Variants in TRAK2 observed in about 807,000 individuals in gnomAD.
TRAK2 encodes trafficking kinesin protein 2.
Under a neutral mutation model 104.6 loss-of-function variants are expected in TRAK2, and 81 were observed. That is an observed-to-expected ratio of 0.77 (90% CI 0.65 to 0.93). The LOEUF (loss-of-function observed/expected upper bound fraction) is 0.93, where lower values mean the gene tolerates loss of function less well. Among genes scored for constraint, TRAK2 ranks in the 40% least tolerant of loss-of-function variants. The pLI is 0.00. For missense variants in TRAK2, 1,002 were observed against 1,089.0 expected, an observed-to-expected ratio of 0.92 and a Z score of 1.12; for synonymous variants, 406 against 394.4, an observed-to-expected ratio of 1.03 and a Z score of -0.35.
chr2:201,424,374 TC>T (rs1951768349), intron 1 of TRAK2, among the ~76,000 whole-genome samples: 1 of 152,206 alleles, frequency 6.6e-6, no homozygotes, highest in Admixed American at 6.5e-5. Context: ...AGTTTAGGAA[TC>T]AAGTGATACA....
intron 1 of TRAK2, among the ~76,000 whole-genome samples, chr2:201,436,346 CAGAA>C (rs1430535082): frequency 6.6e-6 from 1 of 152,112 alleles, no homozygotes; most frequent in Non-Finnish European, 1.5e-5. Flanking sequence ...CTGAACAAGT[CAGAA>C]AGAATTTTCT....
chr2:201,435,879 G>A (rs1214899181), intron 1 of TRAK2, among the ~76,000 whole-genome samples: 1 of 152,098 alleles, frequency 6.6e-6, no homozygotes, highest in African/African-American at 2.4e-5. Flanking sequence ...GGAGCTCAGA[G>A]AGAACACCAG....
At chr2:201,389,563 A>C in intron 11 of TRAK2, 60 bp from the exon 12 acceptor site, 5 of 1,454,928 alleles carry the variant, frequency 3.4e-6, no homozygotes, top group Non-Finnish European at 4.7e-6. Flanking sequence ...TCTAGAGAAG[A>C]GAATGTATGT....
At chr2:201,398,510 A>G (rs537127022) in intron 5 of TRAK2, among the ~76,000 whole-genome samples, 156 bp from the exon 6 acceptor site, 8 of 152,270 alleles carry the variant, frequency 5.3e-5, no homozygotes, top group African/African-American at 1.7e-4. Flanking sequence ...TACTAAAAAG[A>G]GAATAACAAA....
intron 2 of TRAK2, among the ~76,000 whole-genome samples, chr2:201,417,232 A>G (rs1951700062): frequency 7.1e-6 from 1 of 140,006 alleles, no homozygotes; most frequent in Non-Finnish European, 1.5e-5. Flanking sequence ...AAATAAAGCG[A>G]AGACATTGCA....
chr2:201,411,833 T>C (rs1951649822), intron 2 of TRAK2: 2 of 847,638 alleles, frequency 2.4e-6, no homozygotes, highest in Non-Finnish European at 4.1e-6. Flanking sequence ...AAGACATTTG[T>C]AGACAGGCAT....
At chr2:201,388,264 A>C (rs1281661887) in intron 12 of TRAK2, among the ~76,000 whole-genome samples, 1 of 152,198 alleles carries the variant, frequency 6.6e-6, no homozygotes, top group Non-Finnish European at 1.5e-5. Flanking sequence ...TATTTCATTT[A>C]ATTTATGAAA....
intron 12 of TRAK2, among the ~76,000 whole-genome samples, chr2:201,388,781 C>T (rs1951415600): frequency 6.6e-6 from 1 of 152,172 alleles, no homozygotes; most frequent in African/African-American, 2.4e-5. Flanking sequence ...CTGCCCAGGA[C>T]AGACCAGGCA....
chr2:201,421,174 T>A (rs529730550), intron 1 of TRAK2, among the ~76,000 whole-genome samples: 8 of 152,276 alleles, frequency 5.3e-5, no homozygotes, highest in African/African-American at 1.9e-4. Context: ...TTGTAGAGTC[T>A]ATAACATATG....
chr2:201,397,896 C>T (rs750843281), intron 6 of TRAK2: 13 of 558,798 alleles, frequency 2.3e-5, no homozygotes, highest in Middle Eastern at 4.7e-4. Flanking sequence ...TAGTTACTTG[C>T]GTAAACTCCA....
intron 2 of TRAK2, chr2:201,411,121 G>C (rs1238593084): frequency 4.4e-6 from 4 of 902,912 alleles, no homozygotes; most frequent in Non-Finnish European, 7.2e-6. Flanking sequence ...GAAGGTTTAG[G>C]GGTACTAACA....
chr2:201,439,078 G>T (rs1443282583), intron 1 of TRAK2, among the ~76,000 whole-genome samples: 15 of 152,142 alleles, frequency 9.9e-5, no homozygotes, highest in African/African-American at 3.6e-4. Context: ...TTAGTATCTG[G>T]CAAATGACAG....
chr2:201,389,797 T>C lies in TRAK2; in HGVS notation c.1193+4A>G. ...GAGTAACAACACATGTGACCTGTAC[T>C]TACTTTTGTTTAAAGAGAGAAGATT... is the stretch of plus-strand genomic sequence containing the variant. On this transcript the variant is annotated splice_donor_region_variant and intron_variant, in intron 11 of 15. Coordinates refer to ENST00000332624, the MANE Select transcript of TRAK2 (RefSeq NM_015049.3). 1 of 1,609,264 alleles carries C rather than the reference T, an allele frequency of 6.2e-7. No individual in the cohort carries two copies. Among genetic ancestry groups the C allele is most frequent in the Non-Finnish European group, 8.5e-7 (1 of 1,177,110 alleles).
chr2:201,440,856 T>C (rs975996034), intron 1 of TRAK2, among the ~76,000 whole-genome samples: 2 of 152,204 alleles, frequency 1.3e-5, no homozygotes, highest in African/African-American at 4.8e-5. Flanking sequence ...TAATCAGTGT[T>C]TATTGATTCC....
chr2:201,398,196 C>T lies in TRAK2; in HGVS notation c.639G>A (p.Leu213=). The change falls in exon 6 of 16, where the codon CTG becomes CTA. Residue 213 remains leucine (L), a synonymous_variant. Coordinates refer to ENST00000332624, the MANE Select transcript of TRAK2 (RefSeq NM_015049.3). Reference sequence around the variant, plus strand: ...CTTCCAGTTCCTTGAGCTTTTCTTGCAGCATTTCCAACTGCAGCAACCCTT... The same window carrying T: ...CTTCCAGTTCCTTGAGCTTTTCTTGTAGCATTTCCAACTGCAGCAACCCTT... ...LSQGLLQLEM[L]QEKLKELEEE... 3.7e-6 allele frequency: 6 copies of T among 1,613,730 alleles called. No homozygotes were observed. The highest frequency in any genetic ancestry group is 1.3e-5 in the African/African-American group (1 of 75,010).
At chr2:201,411,912 T>C (rs1951650460) in intron 2 of TRAK2, 2 of 1,037,664 alleles carry the variant, frequency 1.9e-6, no homozygotes, top group Non-Finnish European at 3.1e-6. Flanking sequence ...GTTGGAATGA[T>C]GTTTAGACAG....
At chr2:201,414,700 T>C (rs950785935) in intron 2 of TRAK2, among the ~76,000 whole-genome samples, 19 of 152,262 alleles carry the variant, frequency 1.2e-4, no homozygotes, top group African/African-American at 4.6e-4. Flanking sequence ...CCAAATTCTA[T>C]TATTACAAGT....
intron 2 of TRAK2, among the ~76,000 whole-genome samples, chr2:201,410,237 C>T (rs1340627848): frequency 2.0e-5 from 3 of 151,540 alleles, no homozygotes; most frequent in Admixed American, 1.3e-4. Flanking sequence ...GCCACTGAGG[C>T]GGAGCTTGCA....
In TRAK2 at chr2:201,422,782, G is replaced by A. The variant is rs1469620976; in HGVS notation, c.-199-2076C>T. On this transcript the variant is annotated intron_variant, in intron 1 of 15. Coordinates refer to ENST00000332624, the MANE Select transcript of TRAK2 (RefSeq NM_015049.3). ...AAGACAAGCTGCAAGGTGTCGGTAA[G>A]TGAGATGCTAAGAGTGGAGTTTAGT... Among the ~76,000 whole-genome samples the A allele has an allele frequency of 4.6e-5, 7 of 152,244 alleles. No homozygotes were observed. In the East Asian group the frequency reaches 1.4e-3, roughly 29 times the overall value.
Sources: gnomAD v4.1 joint callset for allele counts (sites outside exome capture counted in the v4.1 genomes callset) on GRCh38, gnomAD v4.1.1 for gene constraint, MANE v1.5 for transcripts, NCBI Gene and HGNC (gene_info 2026-07-23, HGNC 2026-07-21) for gene names.